Variants in CSMD1 observed in about 807,000 individuals in gnomAD.
The protein encoded by CSMD1 is CUB and sushi domain-containing protein 1.
A neutral mutation model predicts 417.5 loss-of-function variants in CSMD1; 213 were observed. The observed-to-expected ratio is 0.51, with a 90% confidence interval of 0.46 to 0.57. CSMD1 has a LOEUF of 0.57. CSMD1 is among the 20% of genes least tolerant of loss of function. CSMD1 has a pLI of 0.00. For synonymous variants in CSMD1, 2,862 were observed against 1,736.8 expected, an observed-to-expected ratio of 1.65 and a Z score of -16.11; for missense variants, 6,923 against 4,529.7, an observed-to-expected ratio of 1.53 and a Z score of -15.17.
chr8:4,306,018 T>C (rs765521199), intron 3 of CSMD1, among the ~76,000 whole-genome samples: 11 of 152,220 alleles, frequency 7.2e-5, no homozygotes, highest in Non-Finnish European at 1.6e-4. Flanking sequence ...TTATACTCGG[T>C]GCATTTGCTG....
chr8:4,806,428 G>A (rs2117310253), intron 1 of CSMD1, among the ~76,000 whole-genome samples: 1 of 150,494 alleles, frequency 6.6e-6, no homozygotes, highest in Non-Finnish European at 1.5e-5. Context: ...TCCCCTGGAT[G>A]ATGTTAGTGC....
At chr8:4,014,206 T>C (rs1348798120) in intron 4 of CSMD1, among the ~76,000 whole-genome samples, 1 of 152,184 alleles carries the variant, frequency 6.6e-6, no homozygotes, top group Non-Finnish European at 1.5e-5. Context: ...ATAAACAACA[T>C]TCCTAGAAAT....
intron 1 of CSMD1, among the ~76,000 whole-genome samples, chr8:4,972,158 C>T (rs551805980): frequency 1.4e-4 from 21 of 152,140 alleles, no homozygotes; most frequent in African/African-American, 4.6e-4. Context: ...AGAAATGAGA[C>T]CACACACGTA....
chr8:3,843,042 T>C (rs1473577058), intron 5 of CSMD1, among the ~76,000 whole-genome samples: 1 of 152,206 alleles, frequency 6.6e-6, no homozygotes, highest in Non-Finnish European at 1.5e-5. Context: ...ATTCACATTT[T>C]GCACATGATA....
intron 3 of CSMD1, among the ~76,000 whole-genome samples, chr8:4,170,259 A>AC (rs1474151306): frequency 6.6e-6 from 1 of 151,590 alleles, no homozygotes; most frequent in Non-Finnish European, 1.5e-5. Context: ...TTTTTGAATT[A>AC]CCCCCTTGCC....
chr8:4,316,295 A>C (rs1798925812), intron 3 of CSMD1, among the ~76,000 whole-genome samples: 1 of 152,148 alleles, frequency 6.6e-6, no homozygotes, highest in Non-Finnish European at 1.5e-5. Context: ...AAGATATCTC[A>C]AGGAATGCTG....
At chr8:4,225,320 G>C (rs550283482) in intron 3 of CSMD1, among the ~76,000 whole-genome samples, 1 of 152,032 alleles carries the variant, frequency 6.6e-6, no homozygotes, top group African/African-American at 2.4e-5. Flanking sequence ...GAATCATCGA[G>C]ACTTGATGTT....
At position 3,796,610 on chromosome 8, in the gene CSMD1, A is replaced by G. The variant is rs377007393; in HGVS notation, c.819-42568T>C. ...ATATAGATATATATCTATAATGTAT[A>G]GATGTATAGATATATATCTTCTAAT... is the stretch of plus-strand genomic sequence containing the variant. On this transcript the variant is annotated intron_variant, in intron 5 of 69. Transcript: ENST00000635120. Among the ~76,000 whole-genome samples the G allele has an allele frequency of 1.6e-4, 24 of 147,966 alleles. No individual in the cohort carries two copies. In the East Asian group the frequency reaches 2.8e-3, roughly 17 times the overall value.
At chr8:3,254,203 C>A (rs1468658247) in intron 26 of CSMD1, among the ~76,000 whole-genome samples, 1 of 152,126 alleles carries the variant, frequency 6.6e-6, no homozygotes, top group Non-Finnish European at 1.5e-5. Flanking sequence ...AATATTGGCC[C>A]CCACTCTCTT....
intron 3 of CSMD1, among the ~76,000 whole-genome samples, chr8:4,289,868 A>G (rs1797266005): frequency 6.6e-6 from 1 of 152,238 alleles, no homozygotes; most frequent in Admixed American, 6.5e-5. Flanking sequence ...TGTATTTGCT[A>G]CAAACAAGAA....
intron 3 of CSMD1, among the ~76,000 whole-genome samples, chr8:4,215,472 A>T (rs1800610215): frequency 6.7e-6 from 1 of 148,304 alleles, no homozygotes; most frequent in African/African-American, 2.5e-5. Flanking sequence ...CTGAGAAAAG[A>T]ATTTGGGGGC....
chr8:3,888,882 CA>C (rs1318352346), intron 5 of CSMD1, among the ~76,000 whole-genome samples: 1 of 152,078 alleles, frequency 6.6e-6, no homozygotes, highest in Non-Finnish European at 1.5e-5. Flanking sequence ...ACTTCAATAT[CA>C]ATGATGATTT....
chr8:4,189,591 G>C (rs906271858), intron 3 of CSMD1, among the ~76,000 whole-genome samples: 1 of 152,272 alleles, frequency 6.6e-6, no homozygotes, highest in South Asian at 2.1e-4. Flanking sequence ...TACTATGTTA[G>C]TTGATTAGTT....
In CSMD1 at chr8:3,514,478, T is replaced by G. The variant is rs192947790; in HGVS notation, c.1345-20752A>C. On this transcript the variant is annotated intron_variant, in intron 10 of 69. Transcript: ENST00000635120. Reference sequence around the variant, plus strand: ...GTCATCCCCACTGAAGAACCCAGGCTTCAATTTTTGGAATTGACTAAAAAT... The same window carrying G: ...GTCATCCCCACTGAAGAACCCAGGCGTCAATTTTTGGAATTGACTAAAAAT... Among the ~76,000 whole-genome samples, 966 of 152,330 alleles carry G rather than the reference T, an allele frequency of 6.3e-3. 6 individuals carry two copies. Among genetic ancestry groups the G allele is most frequent in the Non-Finnish European group, 1.0e-2 (677 of 68,020 alleles).
chr8:3,491,802 T>G (rs917053032), intron 11 of CSMD1, among the ~76,000 whole-genome samples: 1 of 152,178 alleles, frequency 6.6e-6, no homozygotes, highest in Admixed American at 6.5e-5. Flanking sequence ...GGGGCAAGAT[T>G]CCTCACAAAT....
At chr8:4,080,561 A>G (rs1247701491) in intron 3 of CSMD1, among the ~76,000 whole-genome samples, 1 of 152,216 alleles carries the variant, frequency 6.6e-6, no homozygotes, top group African/African-American at 2.4e-5. Flanking sequence ...CCAGAAGATA[A>G]AACTGTATTG....
intron 2 of CSMD1, among the ~76,000 whole-genome samples, chr8:4,587,825 T>A (rs373035653): frequency 8.5e-5 from 13 of 152,324 alleles, no homozygotes; most frequent in Middle Eastern, 6.8e-3. Context: ...ACATTTTGCC[T>A]TTCCACAACT....
chr8:4,423,541 G>C (rs1423445713), intron 2 of CSMD1, among the ~76,000 whole-genome samples: 1 of 151,954 alleles, frequency 6.6e-6, no homozygotes, highest in Non-Finnish European at 1.5e-5. Context: ...TGAAGAAAAA[G>C]TTCAAAGAAA....
At chr8:3,514,534 T>C (rs1797208216) in intron 10 of CSMD1, among the ~76,000 whole-genome samples, 1 of 152,224 alleles carries the variant, frequency 6.6e-6, no homozygotes, top group Non-Finnish European at 1.5e-5. Context: ...AAAAGTAATG[T>C]TTCACAAATA....
Sources: gnomAD v4.1 joint callset for allele counts (sites outside exome capture counted in the v4.1 genomes callset) on GRCh38, gnomAD v4.1.1 for gene constraint, MANE v1.5 for transcripts, NCBI Gene and HGNC (gene_info 2026-07-23, HGNC 2026-07-21) for gene names.